NTNG1: variants seen among roughly 807,000 people sequenced by gnomAD.
The protein encoded by NTNG1 is netrin G1.
A neutral mutation model predicts 54.0 loss-of-function variants in NTNG1; 16 were observed. That is an observed-to-expected ratio of 0.30 (90% CI 0.20 to 0.45). The LOEUF is 0.45. Among genes scored for constraint, NTNG1 ranks in the 20% least tolerant of loss-of-function variants. NTNG1 has a pLI of 1.00. For synonymous variants in NTNG1, 255 were observed against 263.1 expected (o/e 0.97, Z 0.30); for missense variants, 530 against 678.7 (o/e 0.78, Z 2.43).
intron 2 of NTNG1, among the ~76,000 whole-genome samples, chr1:107,187,171 T>G (rs1657522949): frequency 6.6e-6 from 1 of 152,120 alleles, no homozygotes; most frequent in Non-Finnish European, 1.5e-5. Context: ...ACTCTCTGTA[T>G]TTTTTTAAAA....
At chr1:107,445,625 C>T (rs1310631186) in intron 7 of NTNG1, among the ~76,000 whole-genome samples, 1 of 152,006 alleles carries the variant, frequency 6.6e-6, no homozygotes, top group Non-Finnish European at 1.5e-5. Flanking sequence ...AATCAAATGG[C>T]ATTTTATAGG....
chr1:107,457,682 C>A (rs1303628835), intron 7 of NTNG1, among the ~76,000 whole-genome samples: 3 of 151,786 alleles, frequency 2.0e-5, no homozygotes, highest in South Asian at 2.1e-4. Context: ...TTGCCACATT[C>A]TTTTATAAAT....
At chr1:107,195,890 T>G (rs574112702) in intron 2 of NTNG1, among the ~76,000 whole-genome samples, 35 of 152,138 alleles carry the variant, frequency 2.3e-4, no homozygotes, top group South Asian at 8.3e-4. Context: ...TCTCACCCTG[T>G]GCCCACACCT....
chr1:107,223,757 C>T (rs1405581991), intron 2 of NTNG1, among the ~76,000 whole-genome samples: 1 of 152,048 alleles, frequency 6.6e-6, no homozygotes, highest in African/African-American at 2.4e-5. Context: ...GAGAGAAAGG[C>T]CTTTTCTTTT....
chr1:107,468,366 G>T (rs1463199649), intron 7 of NTNG1, among the ~76,000 whole-genome samples: 2 of 152,224 alleles, frequency 1.3e-5, no homozygotes, highest in African/African-American at 4.8e-5. Flanking sequence ...AAAAAAACGC[G>T]TATTTGAATT....
chr1:107,201,107 C>A (rs1403253527), intron 2 of NTNG1, among the ~76,000 whole-genome samples: 1 of 151,912 alleles, frequency 6.6e-6, no homozygotes, highest in South Asian at 2.1e-4. Context: ...ATATTATCCT[C>A]AAAAACTTGT....
At chr1:107,259,340 C>T (rs1024918454) in intron 2 of NTNG1, among the ~76,000 whole-genome samples, 1 of 151,910 alleles carries the variant, frequency 6.6e-6, no homozygotes, top group Non-Finnish European at 1.5e-5. Flanking sequence ...TTGGAAAAAG[C>T]TCGGTGCTAT....
intron 7 of NTNG1, among the ~76,000 whole-genome samples, chr1:107,476,471 T>G (rs975285860): frequency 1.3e-5 from 2 of 152,144 alleles, no homozygotes; most frequent in African/African-American, 4.8e-5. Context: ...CCTTGACAGT[T>G]CTAAAAGTCA....
chr1:107,468,822 G>T (rs2101573882), intron 7 of NTNG1, among the ~76,000 whole-genome samples: 1 of 149,230 alleles, frequency 6.7e-6, no homozygotes, highest in Admixed American at 6.8e-5. Flanking sequence ...GGAAGGCCGG[G>T]TGTGGTGGCT....
chr1:107,411,184 C>T (rs1047523427), intron 5 of NTNG1, among the ~76,000 whole-genome samples: 1 of 20,448 alleles, frequency 4.9e-5, no homozygotes, highest in Non-Finnish European at 3.5e-4. Context: ...TATTCCTCTC[C>T]TGTCCCCCAC....
At chr1:107,396,086 T>G (rs987058710) in intron 4 of NTNG1, among the ~76,000 whole-genome samples, 78 of 152,278 alleles carry the variant, frequency 5.1e-4, no homozygotes, top group African/African-American at 1.7e-3. Context: ...ATTTGCCCAA[T>G]TCCATGGATG....
intron 3 of NTNG1, among the ~76,000 whole-genome samples, chr1:107,377,420 T>C (rs960839890): frequency 2.0e-5 from 3 of 152,216 alleles, no homozygotes; most frequent in South Asian, 2.1e-4. Flanking sequence ...GAAGATTCTA[T>C]TTCTTTAAGG....
chr1:107,338,306 G>A lies in NTNG1; in HGVS notation c.887+13384G>A, dbSNP rs184611448. 2.6e-5 allele frequency among the ~76,000 whole-genome samples: 4 copies of A among 152,016 alleles called. No homozygotes were observed. The East Asian group carries it at 7.8e-4, about 30-fold the overall frequency. Reference sequence around the variant, plus strand: ...GGTTGGGGAAAAAATAAAAATACAAGCCCACATACCATATGCCTAAATATG... The same window carrying A: ...GGTTGGGGAAAAAATAAAAATACAAACCCACATACCATATGCCTAAATATG... On this transcript the variant is annotated intron_variant, in intron 3 of 7. Coordinates refer to ENST00000370068, the MANE Select transcript of NTNG1 (RefSeq NM_001113226.3).
At chr1:107,321,042 C>A (rs1488924335) in intron 2 of NTNG1, among the ~76,000 whole-genome samples, 1 of 152,120 alleles carries the variant, frequency 6.6e-6, no homozygotes, top group Non-Finnish European at 1.5e-5. Context: ...TGTTCTCAAT[C>A]AGCTCAAATG....
At position 107,151,611 on chromosome 1, in the gene NTNG1, G is replaced by A. The variant is rs188676355; in HGVS notation, c.246+2772G>A. On this transcript the variant is annotated intron_variant, in intron 2 of 7. Transcript: ENST00000370068. ...TGGCTATAGCTGTTCTGAGCATCGA[G>A]GGAACATGTGCTGAGAGAAATACCT... Among the ~76,000 whole-genome samples, 230 of 152,216 alleles carry A rather than the reference G, an allele frequency of 1.5e-3. 1 individual carries two copies. The highest frequency in any genetic ancestry group is 5.2e-3 in the African/African-American group (216 of 41,522).
At chr1:107,343,084 C>A (rs1342458751) in intron 3 of NTNG1, among the ~76,000 whole-genome samples, 1 of 152,130 alleles carries the variant, frequency 6.6e-6, no homozygotes, top group Non-Finnish European at 1.5e-5. Flanking sequence ...GCCATGATTT[C>A]TCTCCCAACA....
intron 5 of NTNG1, among the ~76,000 whole-genome samples, chr1:107,423,195 T>C (rs1674679270): frequency 6.6e-6 from 1 of 152,132 alleles, no homozygotes. Flanking sequence ...TATGTTTCAA[T>C]ATATCATATA....
intron 7 of NTNG1, among the ~76,000 whole-genome samples, chr1:107,438,887 G>T (rs1675778091): frequency 6.6e-6 from 1 of 152,168 alleles, no homozygotes; most frequent in South Asian, 2.1e-4. Flanking sequence ...AAAACCCTCT[G>T]TGCCTCAGTT....
chr1:107,337,010 C>G (rs1052429893), intron 3 of NTNG1, among the ~76,000 whole-genome samples: 2 of 151,874 alleles, frequency 1.3e-5, no homozygotes, highest in African/African-American at 4.8e-5. Flanking sequence ...AGGGTTTTTG[C>G]TATACTAATG....
Sources: allele counts gnomAD v4.1 joint callset (sites outside exome capture counted in the v4.1 genomes callset), GRCh38; gene constraint gnomAD v4.1.1; transcripts MANE v1.5; gene names NCBI Gene and HGNC (gene_info 2026-07-23, HGNC 2026-07-21).